The following SPOCK3 variants were observed in gnomAD, a reference collection of about 807,000 sequenced individuals.
SPOCK3 encodes the protein SPARC (osteonectin), cwcv and kazal like domains proteoglycan 3.
SPOCK3 carries 30 observed loss-of-function variants against 56.6 expected under a neutral mutation model. The observed-to-expected ratio is 0.53, with a 90% confidence interval of 0.40 to 0.72. The LOEUF (loss-of-function observed/expected upper bound fraction) is 0.72, where lower values mean the gene tolerates loss of function less well. Among genes scored for constraint, SPOCK3 ranks in the 30% least tolerant of loss-of-function variants. SPOCK3 has a pLI of 0.00. For synonymous variants in SPOCK3, 196 were observed against 183.3 expected, an observed-to-expected ratio of 1.07 and a Z score of -0.56; for missense variants, 527 against 530.0, an observed-to-expected ratio of 0.99 and a Z score of 0.06.
chr4:166,783,528 T>C (rs776032516), intron 7 of SPOCK3, among the ~76,000 whole-genome samples: 3 of 152,052 alleles, frequency 2.0e-5, no homozygotes, highest in Non-Finnish European at 4.4e-5. Flanking sequence ...AAATACAAAA[T>C]ATAAAAATAA....
intron 2 of SPOCK3, among the ~76,000 whole-genome samples, chr4:167,139,772 C>T (rs1318030323): frequency 2.6e-5 from 4 of 152,036 alleles, no homozygotes; most frequent in Non-Finnish European, 4.4e-5. Context: ...ACTTAAATAA[C>T]ATCTCCATTA....
chr4:167,178,569 CTT>C (rs896320339), intron 2 of SPOCK3, among the ~76,000 whole-genome samples: 2 of 152,070 alleles, frequency 1.3e-5, no homozygotes, highest in East Asian at 1.9e-4. Context: ...AATATATGCT[CTT>C]TGTTTGACCA....
chr4:167,144,691 A>G (rs886821961), intron 2 of SPOCK3, among the ~76,000 whole-genome samples: 7 of 151,174 alleles, frequency 4.6e-5, no homozygotes, highest in Non-Finnish European at 7.4e-5. Context: ...CACTGAAAGA[A>G]ATGTGAAGGA....
chr4:166,790,396 G>A (rs972697447), intron 7 of SPOCK3, among the ~76,000 whole-genome samples: 1 of 152,156 alleles, frequency 6.6e-6, no homozygotes, highest in Non-Finnish European at 1.5e-5. Flanking sequence ...CAGATCTGAG[G>A]AGCTGAGGGA....
chr4:166,937,094 A>C (rs575943433), intron 4 of SPOCK3, among the ~76,000 whole-genome samples: 20 of 152,160 alleles, frequency 1.3e-4, no homozygotes, highest in Non-Finnish European at 2.5e-4. Flanking sequence ...TAAATAGTTG[A>C]GATTTGCTTT....
rs374940526 is a variant in SPOCK3, at chr4:166,825,824, A to G, written c.590-33535T>C. ...TCAAATATTGTATGTTCTCACTTAT[A>G]AGTGGGAGCTAAGCTATAAGGATGC... On this transcript the variant is annotated intron_variant, in intron 6 of 10. Coordinates refer to ENST00000357545, the MANE Select transcript of SPOCK3 (RefSeq NM_001040159.2). Among the ~76,000 whole-genome samples, 43 of 152,242 alleles carry G rather than the reference A, an allele frequency of 2.8e-4. No individual in the cohort carries two copies. In the East Asian group the frequency reaches 5.2e-3, roughly 19 times the overall value.
intron 4 of SPOCK3, among the ~76,000 whole-genome samples, chr4:166,917,952 G>A (rs1738056778): frequency 6.6e-6 from 1 of 152,070 alleles, no homozygotes; most frequent in Admixed American, 6.5e-5. Context: ...GATATTCTGT[G>A]GAATATCTCA....
chr4:167,154,054 CAT>C (rs1446702089), intron 2 of SPOCK3, among the ~76,000 whole-genome samples: 1 of 152,082 alleles, frequency 6.6e-6, no homozygotes, highest in East Asian at 1.9e-4. Flanking sequence ...ATATTTATCA[CAT>C]ATTTAGTTTT....
intron 2 of SPOCK3, among the ~76,000 whole-genome samples, chr4:167,134,066 T>C (rs1299069078): frequency 1.3e-5 from 2 of 148,798 alleles, no homozygotes; most frequent in South Asian, 2.2e-4. Context: ...TCTTGCTCTG[T>C]TGCCCAGGCT....
At chr4:167,010,860 T>C (rs934542280) in intron 3 of SPOCK3, among the ~76,000 whole-genome samples, 1 of 152,072 alleles carries the variant, frequency 6.6e-6, no homozygotes, top group Non-Finnish European at 1.5e-5. Flanking sequence ...TTAAAAATAG[T>C]GAGGAAGTCG....
At chr4:166,982,242 C>T (rs1056960260) in intron 4 of SPOCK3, among the ~76,000 whole-genome samples, 1 of 152,194 alleles carries the variant, frequency 6.6e-6, no homozygotes, top group Admixed American at 6.5e-5. Context: ...CTGCTGCCGC[C>T]ATCAGTGTAG....
intron 2 of SPOCK3, among the ~76,000 whole-genome samples, chr4:167,125,610 G>T (rs533434972): frequency 5.3e-5 from 8 of 152,132 alleles, no homozygotes; most frequent in African/African-American, 1.9e-4. Context: ...AGCTACTCGG[G>T]AGGCTGAGGG....
chr4:166,843,824 G>A (rs966026159), intron 6 of SPOCK3, among the ~76,000 whole-genome samples: 9 of 152,174 alleles, frequency 5.9e-5, no homozygotes, highest in Non-Finnish European at 1.3e-4. Flanking sequence ...TTGTCAATGG[G>A]ATGTTGCCAA....
At chr4:166,883,231 C>G (rs1733850278) in intron 6 of SPOCK3, 1 of 151,980 alleles carries the variant, frequency 6.6e-6, no homozygotes, top group South Asian at 2.1e-4. Flanking sequence ...ATGAAATAAA[C>G]TTTGTTTCTT....
At chr4:167,072,652 T>A (rs1476582116) in intron 2 of SPOCK3, among the ~76,000 whole-genome samples, 1 of 151,970 alleles carries the variant, frequency 6.6e-6, no homozygotes, top group African/African-American at 2.4e-5. Flanking sequence ...AATCTTAATG[T>A]CTCCAAATTT....
intron 6 of SPOCK3, among the ~76,000 whole-genome samples, chr4:166,837,399 ACTCCAGTGATC>A (rs1466888583): frequency 6.6e-6 from 1 of 151,950 alleles, no homozygotes; most frequent in African/African-American, 2.4e-5. Flanking sequence ...AAACTCCTGG[ACTCCAGTGATC>A]CTCTTGCCTC....
intron 2 of SPOCK3, among the ~76,000 whole-genome samples, chr4:167,160,859 C>T (rs1004459627): frequency 6.6e-6 from 1 of 152,152 alleles, no homozygotes; most frequent in Non-Finnish European, 1.5e-5. Context: ...GAAACTGCAT[C>T]CCTTCCTTAC....
chr4:167,116,564 AC>A (rs1761362496), intron 2 of SPOCK3, among the ~76,000 whole-genome samples: 1 of 104,308 alleles, frequency 9.6e-6, no homozygotes, highest in Non-Finnish European at 1.9e-5. Flanking sequence ...GAGTATATAT[AC>A]TTTTATACAT....
intron 2 of SPOCK3, among the ~76,000 whole-genome samples, chr4:167,178,069 T>G (rs1731136245): frequency 1.3e-5 from 2 of 152,162 alleles, no homozygotes; most frequent in Non-Finnish European, 2.9e-5. Context: ...GAGTTCCAGA[T>G]TCTAAGTCTT....
Sources: allele counts gnomAD v4.1 joint callset (sites outside exome capture counted in the v4.1 genomes callset), GRCh38; gene constraint gnomAD v4.1.1; transcripts MANE v1.5; gene names NCBI Gene and HGNC (gene_info 2026-07-23, HGNC 2026-07-21).